CNTNAP3B: variants seen among roughly 807,000 people sequenced by gnomAD.
CNTNAP3B encodes the protein contactin-associated protein-like 3B.
CNTNAP3B carries 25 observed loss-of-function variants against 108.9 expected under a neutral mutation model. The ratio of observed to expected loss-of-function variants is 0.23; its 90% CI spans 0.17 to 0.32. The LOEUF (loss-of-function observed/expected upper bound fraction) is 0.32. Ranked by LOEUF, CNTNAP3B falls within the 10% of genes least tolerant of loss-of-function variation. The probability of loss-of-function intolerance (pLI) is 1.00; values close to 1 mark genes in which losing one functional copy is unlikely to be tolerated. For missense variants in CNTNAP3B, 252 were observed against 1,210.4 expected, an observed-to-expected ratio of 0.21 and a Z score of 11.75; for synonymous variants, 103 against 473.4, an observed-to-expected ratio of 0.22 and a Z score of 10.16.
chr9:41,914,522 TC>T (rs1268341669), intron 18 of CNTNAP3B, among the ~76,000 whole-genome samples: 1 of 152,032 alleles, frequency 6.6e-6, no homozygotes, highest in Non-Finnish European at 1.5e-5. Context: ...TTTTATAAAG[TC>T]CAAATAATCT....
At chr9:42,087,748 C>T (rs1294630471) in intron 2 of CNTNAP3B, among the ~76,000 whole-genome samples, 3 of 138,744 alleles carry the variant, frequency 2.2e-5, no homozygotes, top group African/African-American at 8.5e-5. Context: ...GGATAAGAAG[C>T]AACTAGAATT....
At chr9:41,958,725 C>G (rs1480827212) in intron 12 of CNTNAP3B, among the ~76,000 whole-genome samples, 48 of 151,712 alleles carry the variant, frequency 3.2e-4, no homozygotes, top group African/African-American at 1.1e-3. Context: ...CAAAACAAAA[C>G]AAAAGAAAAC....
chr9:42,054,528 G>A (rs1329102081), intron 3 of CNTNAP3B, among the ~76,000 whole-genome samples: 2 of 151,848 alleles, frequency 1.3e-5, no homozygotes, highest in African/African-American at 2.4e-5. Context: ...CCTTGTACTT[G>A]GCCAGGTGTT....
intron 14 of CNTNAP3B, among the ~76,000 whole-genome samples, chr9:41,934,114 T>TATATACACAC (rs1824071218): frequency 1.5e-5 from 2 of 129,482 alleles, no homozygotes; most frequent in Non-Finnish European, 3.3e-5. Context: ...TATATATATA[T>TATATACACAC]ATATATATAC....
chr9:42,098,103 G>T (rs1827947255), intron 2 of CNTNAP3B, among the ~76,000 whole-genome samples: 1 of 139,442 alleles, frequency 7.2e-6, no homozygotes, highest in African/African-American at 2.8e-5. Context: ...TTCATATACT[G>T]TGATCTTCAT....
chr9:42,114,902 A>G (rs1587283234), intron 1 of CNTNAP3B, among the ~76,000 whole-genome samples: 1 of 134,408 alleles, frequency 7.4e-6, no homozygotes, highest in Non-Finnish European at 1.6e-5. Flanking sequence ...AAAAATACAA[A>G]AATTAGCTGG....
intron 3 of CNTNAP3B, among the ~76,000 whole-genome samples, chr9:42,070,478 G>A (rs1449692774): frequency 6.2e-5 from 9 of 145,290 alleles, no homozygotes; most frequent in Non-Finnish European, 1.4e-4. Flanking sequence ...GTGTCCTGCA[G>A]ACCTGCTCTT....
Position 41,953,249 on chromosome 9 carries a change from G to A in CNTNAP3B, c.2014C>T (p.Leu672=), listed in dbSNP as rs1428199764. 2.6e-6 allele frequency: 4 copies of A among 1,526,320 alleles called. No individual in the cohort carries two copies. In the African/African-American group the frequency reaches 4.2e-5, roughly 16 times the overall value. The allele number at this position is 1,526,320 out of a possible 1,614,324, so 94.5% of individuals were successfully genotyped here. A position where few individuals can be genotyped will look rare whatever the true frequency, so the allele number is the denominator to read the frequency against. ...AGCCGCTGCTCGCAGCGCTCCGCCAGGTTCACCGCGGCCCGCAGCTGCCCC... is the reference window on the plus strand; with the variant it reads ...AGCCGCTGCTCGCAGCGCTCCGCCAAGTTCACCGCGGCCCGCAGCTGCCCC... ...GAGQLRAAVN[L]AERCEQRLAL... Residue 672 remains leucine (L), a synonymous_variant, in exon 13 of 24, where the codon CTG becomes TTG. Coordinates refer to ENST00000377561, the MANE Select transcript of CNTNAP3B (RefSeq NM_001201380.3).
intron 13 of CNTNAP3B, among the ~76,000 whole-genome samples, chr9:41,943,575 A>T (rs1345927502): frequency 6.6e-6 from 1 of 151,374 alleles, no homozygotes; most frequent in Non-Finnish European, 1.5e-5. Context: ...GATGGTCTGG[A>T]TCTCCTGAAC....
intron 3 of CNTNAP3B, among the ~76,000 whole-genome samples, chr9:42,058,271 T>G (rs547102226): frequency 6.6e-6 from 1 of 152,188 alleles, no homozygotes; most frequent in South Asian, 2.1e-4. Flanking sequence ...CTATTTTTGA[T>G]TTTTTGAGGA....
rs1338998268 is a variant in CNTNAP3B at position 42,036,376 on chromosome 9, G to A, written c.391-22851C>T. Among the ~76,000 whole-genome samples, 3 of 140,348 alleles carry A rather than the reference G, an allele frequency of 2.1e-5. 1 individual carries two copies. Among genetic ancestry groups the A allele is most frequent in the African/African-American group, 8.5e-5 (3 of 35,502 alleles). 92.1% of individuals were successfully genotyped at this position (140,348 alleles called of 152,430 possible). ...TTCACACGTATTTTATTTTTGCACA[G>A]TGCACGTTTTCTCCAACTTCTTTTT... On this transcript the variant is annotated intron_variant, in intron 3 of 23. Coordinates refer to ENST00000377561, the MANE Select transcript of CNTNAP3B (RefSeq NM_001201380.3).
chr9:42,094,116 T>C (rs1827851658), intron 2 of CNTNAP3B, among the ~76,000 whole-genome samples: 1 of 138,072 alleles, frequency 7.2e-6, no homozygotes, highest in Admixed American at 7.2e-5. Flanking sequence ...GATAGCACCC[T>C]TCCTTCAAGG....
intron 13 of CNTNAP3B, among the ~76,000 whole-genome samples, chr9:41,940,168 T>A (rs1824291328): frequency 6.6e-6 from 1 of 152,280 alleles, no homozygotes; most frequent in African/African-American, 2.4e-5. Context: ...GAGAACAAAG[T>A]GTGCTGAAAG....
At chr9:41,952,986 T>G (rs541093878) in intron 13 of CNTNAP3B, among the ~76,000 whole-genome samples, 197 bp downstream of exon 13, 82 of 152,342 alleles carry the variant, frequency 5.4e-4, no homozygotes, top group African/African-American at 1.9e-3. Context: ...GCGCTGAACG[T>G]CTCTCAACGG....
At chr9:41,921,310 G>A (rs1823661639) in intron 17 of CNTNAP3B, among the ~76,000 whole-genome samples, 1 of 152,268 alleles carries the variant, frequency 6.6e-6, no homozygotes, top group African/African-American at 2.4e-5. Flanking sequence ...CTTTCCAGTA[G>A]TTTGATGGTT....
intron 2 of CNTNAP3B, among the ~76,000 whole-genome samples, chr9:42,098,222 G>A (rs1312478145): frequency 7.4e-6 from 1 of 135,278 alleles, no homozygotes; most frequent in Non-Finnish European, 1.6e-5. Flanking sequence ...CCTCAGAGAA[G>A]CAGAAACTCT....
chr9:42,016,711 A>G (rs1444304548), intron 3 of CNTNAP3B, among the ~76,000 whole-genome samples: 2 of 151,936 alleles, frequency 1.3e-5, no homozygotes, highest in Non-Finnish European at 2.9e-5. Flanking sequence ...GAGAGTATAC[A>G]GAATAGTTTT....
intron 3 of CNTNAP3B, among the ~76,000 whole-genome samples, chr9:42,054,631 C>A (rs1232053924): frequency 5.9e-5 from 9 of 151,662 alleles, no homozygotes; most frequent in Non-Finnish European, 1.3e-4. Context: ...GACTGATGAC[C>A]CAGGACATGA....
At chr9:42,113,775 T>C (rs1246748054) in intron 1 of CNTNAP3B, among the ~76,000 whole-genome samples, 1 of 139,126 alleles carries the variant, frequency 7.2e-6, no homozygotes, top group Non-Finnish European at 1.5e-5. Flanking sequence ...ATTGTACATT[T>C]TTAAATAACT....
Sources: allele counts gnomAD v4.1 joint callset (sites outside exome capture counted in the v4.1 genomes callset), GRCh38; gene constraint gnomAD v4.1.1; transcripts MANE v1.5; gene names NCBI Gene and HGNC (gene_info 2026-07-23, HGNC 2026-07-21).